LTN1: variants seen among roughly 807,000 people sequenced by gnomAD.
LTN1 encodes the protein E3 ubiquitin-protein ligase listerin.
A neutral mutation model predicts 201.2 loss-of-function variants in LTN1; 88 were observed. That is an observed-to-expected ratio of 0.44 (90% confidence interval 0.37 to 0.52). LTN1 has a LOEUF of 0.52. Ranked by LOEUF, LTN1 falls within the 20% of genes least tolerant of loss-of-function variation. LTN1 has a pLI of 0.00. For synonymous variants in LTN1, 645 were observed against 713.5 expected, an observed-to-expected ratio of 0.90 and a Z score of 1.53; for missense variants, 1,752 against 2,038.7, an observed-to-expected ratio of 0.86 and a Z score of 2.71.
Position 28,946,701 on chromosome 21 carries a change from T to C in LTN1, c.3488-414A>G, listed in dbSNP as rs187118794. On this transcript the variant is annotated intron_variant, in intron 19 of 29. Transcript: ENST00000361371. The stretch of plus-strand genomic sequence containing the variant: ...ATAATTTATACATTCATTCACTCAA[T>C]AGCAGCTAGTACATGTGGTAAACTC... Among the ~76,000 whole-genome samples the C allele has an allele frequency of 1.1e-4, 17 of 152,364 alleles. No homozygotes were observed. The East Asian group carries it at 3.1e-3, about 28-fold the overall frequency.
rs544730657 is a variant in LTN1 at position 28,969,112 on chromosome 21, T to C, written c.1311+354A>G. 4.6e-5 allele frequency among the ~76,000 whole-genome samples: 7 copies of C among 151,888 alleles called. No individual in the cohort carries two copies. The South Asian group carries it at 1.5e-3, about 32-fold the overall frequency. The stretch of plus-strand genomic sequence containing the variant: ...GGCGGGTGCCTGTAATCCCAGCTAC[T>C]TGGGAGGCTGAGGCAGGAGAATAGC... On this transcript the variant is annotated intron_variant, in intron 9 of 29. Coordinates refer to ENST00000361371, the MANE Select transcript of LTN1 (RefSeq NM_015565.3).
At chr21:28,948,270 CTTT>C (rs869195177) in intron 18 of LTN1, among the ~76,000 whole-genome samples, 2 of 126,646 alleles carry the variant, frequency 1.6e-5, no homozygotes, top group Non-Finnish European at 3.4e-5. Flanking sequence ...TCTTTTCTTT[CTTT>C]TTTTTTTTTT....
Position 28,986,509 on chromosome 21 carries a change from C to A in LTN1, c.246+222G>T. On this transcript the variant is annotated intron_variant, in intron 2 of 29. Coordinates refer to ENST00000361371, the MANE Select transcript of LTN1 (RefSeq NM_015565.3). The surrounding 1 kb of genome is among the most constrained non-coding windows in gnomAD (Gnocchi z 4.1). ...TTCCCTAATGGGAAAAACTATACAG[C>A]CAAAATTCCAAAGCACTTTAAAAAA... is the stretch of plus-strand genomic sequence containing the variant. The A allele has an allele frequency of 3.1e-6, 2 of 651,618 alleles. No individual in the cohort carries two copies. The highest frequency in any genetic ancestry group is 5.4e-6 in the Non-Finnish European group (2 of 371,522). The allele number at this position is 651,618 out of a possible 1,614,324, so 40.4% of individuals were successfully genotyped here.
At position 28,959,527 on chromosome 21, in the gene LTN1, A is replaced by G; in HGVS notation, c.2524T>C (p.Ser842Pro). The G allele has an allele frequency of 6.2e-7, 1 of 1,614,014 alleles. No homozygotes were observed. The highest frequency in any genetic ancestry group is 8.5e-7 in the Non-Finnish European group (1 of 1,179,928). The part of the protein sequence containing the change: ...SSAKGCLLMP[S>P]SEDLLLTLFQ... The stretch of plus-strand genomic sequence containing the variant: ...AGAGTTAATAATAAATCTTCAGATG[A>G]TGGCATTAGCAAGCATCCTTTCGCT... Residue 842 changes from serine (S) to proline (P), a missense_variant, in exon 13 of 30, where the codon TCA becomes CCA. By Grantham distance (74) the Ser-to-Pro change is moderately conservative. Transcript: ENST00000361371.
Position 28,943,312 on chromosome 21 carries a change from A to G in LTN1, c.4245T>C (p.Tyr1415=), listed in dbSNP as rs1379180695. ...LYKLMPELPQ[Y]DQDNLKSYGD... ...CGTATGACTTTAGATTATCCTGATC[A>G]TACTGTGGTAATTCAGGCATCAATC... is the stretch of plus-strand genomic sequence containing the variant. The change falls in exon 24 of 30, where the codon TAT becomes TAC. Residue 1415 remains tyrosine, a synonymous_variant. Coordinates refer to ENST00000361371, the MANE Select transcript of LTN1 (RefSeq NM_015565.3). 1 of 1,598,308 alleles carries G rather than the reference A, an allele frequency of 6.3e-7. No individual in the cohort carries two copies. The highest frequency in any genetic ancestry group is 8.6e-7 in the Non-Finnish European group (1 of 1,168,550).
intron 24 of LTN1, among the ~76,000 whole-genome samples, chr21:28,941,866 A>G (rs2084300164): frequency 6.6e-6 from 1 of 151,948 alleles, no homozygotes; most frequent in Non-Finnish European, 1.5e-5. Context: ...CAATGATACT[A>G]TTAATCGGAT....
Position 28,956,728 on chromosome 21 carries a change from A to G in LTN1, c.3079+34T>C, listed in dbSNP as rs554453071. ...ATTTCAAAATTATATTCATTCATGC[A>G]TTATGTTATATGTAAATACTCATAT... On this transcript the variant is annotated intron_variant, in intron 16 of 29. Transcript: ENST00000361371. 8.1e-6 allele frequency: 9 copies of G among 1,109,874 alleles called. No individual in the cohort carries two copies. In the East Asian group the frequency reaches 2.2e-4, roughly 27 times the overall value. 68.8% of individuals were successfully genotyped at this position (1,109,874 alleles called of 1,614,324 possible). A position where few individuals can be genotyped will look rare whatever the true frequency, so the allele number is the denominator to read the frequency against.
In LTN1 at chr21:28,981,123, G is replaced by A; in HGVS notation, c.806C>T (p.Pro269Leu). 1 of 1,538,072 alleles carries A rather than the reference G, an allele frequency of 6.5e-7. No individual in the cohort carries two copies. The highest frequency in any genetic ancestry group is 8.7e-7 in the Non-Finnish European group (1 of 1,146,228). Residue 269 changes from proline to leucine, a missense_variant, in exon 6 of 30, where the codon CCT (proline) becomes CTT (leucine). Coordinates refer to ENST00000361371, the MANE Select transcript of LTN1 (RefSeq NM_015565.3). Reference sequence around the variant, plus strand: ...AGATAAAAAAGATTAATATACCTGAGGTACACTGTGTTTTCCATACTTCCA... The same window carrying A: ...AGATAAAAAAGATTAATATACCTGAAGTACACTGTGTTTTCCATACTTCCA... Reference protein sequence around the residue: ...KFWKYGKHSVPQIRSAYFELV... With the variant: ...KFWKYGKHSVLQIRSAYFELV...
intron 6 of LTN1, among the ~76,000 whole-genome samples, chr21:28,975,603 T>C (rs542777420): frequency 1.1e-4 from 16 of 152,338 alleles, no homozygotes; most frequent in Admixed American, 9.8e-4. Flanking sequence ...AAAATAGATG[T>C]TTCCCTCGTG....
intron 21 of LTN1, among the ~76,000 whole-genome samples, chr21:28,945,253 A>G (rs2084328566): frequency 2.0e-5 from 3 of 152,090 alleles, no homozygotes; most frequent in Non-Finnish European, 4.4e-5. Flanking sequence ...AGAAAGAAAG[A>G]AAACTGAGTC....
In LTN1 at chr21:28,990,939, A is replaced by AAAAAGTCCCAGTT. The variant is rs1225206913; in HGVS notation, c.42+1824_42+1825insAACTGGGACTTTT. Among the ~76,000 whole-genome samples, 634 of 152,246 alleles carry AAAAAGTCCCAGTT rather than the reference A, an allele frequency of 4.2e-3. 1 individual carries two copies. Among genetic ancestry groups the AAAAAGTCCCAGTT allele is most frequent in the Non-Finnish European group, 5.1e-3 (347 of 68,014 alleles). On this transcript the variant is annotated intron_variant, in intron 1 of 29. Coordinates refer to ENST00000361371, the MANE Select transcript of LTN1 (RefSeq NM_015565.3). ...AGATGTTAAAACGGTTTATCTTTTT[A>AAAAAGTCCCAGTT]AAAAAGTCCCAGCCTGGGCAACATG...
intron 15 of LTN1, 138 bp downstream of exon 15, chr21:28,957,192 GTA>G (rs1247536956): frequency 2.4e-6 from 2 of 841,244 alleles, no homozygotes; most frequent in African/African-American, 3.4e-5. Flanking sequence ...CAAACATCCA[GTA>G]TATGAGCATA....
At chr21:28,954,684 G>A (rs1224487152) in intron 16 of LTN1, among the ~76,000 whole-genome samples, 1 of 152,130 alleles carries the variant, frequency 6.6e-6, no homozygotes, top group Non-Finnish European at 1.5e-5. Context: ...ACATATATTG[G>A]GGAAAGGACA....
At chr21:28,964,718 T>G (rs1568847998) in intron 11 of LTN1, 1 of 1,550,436 alleles carries the variant, frequency 6.4e-7, no homozygotes, top group Non-Finnish European at 8.7e-7. Context: ...AGGAAGAGGA[T>G]TTTCTTCCAC....
intron 27 of LTN1, among the ~76,000 whole-genome samples, chr21:28,933,576 G>A (rs964186921): frequency 1.3e-5 from 2 of 152,038 alleles, no homozygotes; most frequent in African/African-American, 2.4e-5. Context: ...CATTATTTGG[G>A]TTGGAGTACT....
In LTN1 at chr21:28,956,789, A is replaced by G. The variant is rs747667364; in HGVS notation, c.3052T>C (p.Leu1018=). 1.2e-5 allele frequency: 19 copies of G among 1,602,940 alleles called. No individual in the cohort carries two copies. Among genetic ancestry groups the G allele is most frequent in the Non-Finnish European group, 1.4e-5 (17 of 1,174,438 alleles). The change falls in exon 16 of 30, where the codon TTA becomes CTA. Residue 1018 remains leucine, a synonymous_variant. Transcript: ENST00000361371. ...ATTTTCTCAAGCTCATTATTTTCTA[A>G]GACTGTTTCCTTTCTCAGTGCAATT... ...VLIALRKETV[L]ENNELEKIIA... is the part of the protein sequence containing the mutation.
At chr21:28,944,654 A>G in intron 21 of LTN1, 58 bp from the exon 22 acceptor site, 2 of 1,216,678 alleles carry the variant, frequency 1.6e-6, no homozygotes, top group Non-Finnish European at 2.3e-6. Flanking sequence ...CACTACAAAT[A>G]AAGCCAATAT....
In LTN1 at chr21:28,947,901, AAG is replaced by A. The variant is rs1555842501; in HGVS notation, c.3345-297_3345-296del. On this transcript the variant is annotated intron_variant, in intron 18 of 29. Transcript: ENST00000361371. ...ATTATGTCCTCTTTTAAAAAAAAAA[AAG>A]AGTCAATTGCGGGGTGCGGTGGCTA... Among the ~76,000 whole-genome samples the A allele has an allele frequency of 6.5e-4, 98 of 151,766 alleles. 1 individual carries two copies. In the Middle Eastern group the frequency reaches 0.017, roughly 26 times the overall value.
At position 28,931,176 on chromosome 21, in the gene LTN1, T is replaced by C. The variant is rs1169040121; in HGVS notation, c.5217A>G (p.Lys1739=). ...TTACCAAGCAGGCTGAATGGAATTT[T>C]TTCTTGCATGTTCTACAGGCTTTTT... ...LPKKACRTCK[K]KFHSACLYKW... is the part of the protein sequence containing the mutation. Residue 1739 remains lysine, a synonymous_variant, in exon 29 of 30, where the codon AAA becomes AAG. Coordinates refer to ENST00000361371, the MANE Select transcript of LTN1 (RefSeq NM_015565.3). The C allele has an allele frequency of 6.2e-7, 1 of 1,611,122 alleles. No homozygotes were observed. Among genetic ancestry groups the C allele is most frequent in the Non-Finnish European group, 8.5e-7 (1 of 1,179,254 alleles).
Sources: gnomAD v4.1 joint callset for allele counts (sites outside exome capture counted in the v4.1 genomes callset) on GRCh38, gnomAD v4.1.1 for gene constraint, Gnocchi (gnomAD v3.1) non-coding constraint, MANE v1.5 for transcripts, NCBI Gene and HGNC (gene_info 2026-07-23, HGNC 2026-07-21) for gene names.